The following NVL variants were observed in gnomAD, a reference collection of about 807,000 sequenced individuals.
The protein encoded by NVL is nuclear valosin-containing protein-like.
NVL carries 84 observed loss-of-function variants against 110.2 expected under a neutral mutation model. The observed-to-expected ratio is 0.76, with a 90% CI of 0.64 to 0.91. The LOEUF (loss-of-function observed/expected upper bound fraction) is 0.91, where lower values mean the gene tolerates loss of function less well. Ranked by LOEUF, NVL falls within the 40% of genes least tolerant of loss-of-function variation. The pLI is 0.00. For missense variants in NVL, 882 were observed against 1,035.9 expected, an observed-to-expected ratio of 0.85 and a Z score of 2.04; for synonymous variants, 354 against 361.1, an observed-to-expected ratio of 0.98 and a Z score of 0.22.
At chr1:224,278,766 T>G (rs1477813839) in intron 16 of NVL, among the ~76,000 whole-genome samples, 1 of 152,012 alleles carries the variant, frequency 6.6e-6, no homozygotes, top group African/African-American at 2.4e-5. Context: ...AGGATGTTGC[T>G]CTGTTGCCTA....
At chr1:224,243,683 A>G (rs1295433588) in intron 19 of NVL, among the ~76,000 whole-genome samples, 1 of 132,568 alleles carries the variant, frequency 7.5e-6, no homozygotes, top group Non-Finnish European at 1.6e-5. Context: ...TTTTTTTGAG[A>G]TGAGGTCTCG....
chr1:224,248,569 G>T (rs1016894670), intron 19 of NVL, among the ~76,000 whole-genome samples: 1 of 152,082 alleles, frequency 6.6e-6, no homozygotes, highest in Non-Finnish European at 1.5e-5. Flanking sequence ...ATCTTCCTTT[G>T]TCAGCATCAA....
chr1:224,243,181 C>A (rs928761310), intron 19 of NVL, among the ~76,000 whole-genome samples: 2 of 151,706 alleles, frequency 1.3e-5, no homozygotes, highest in African/African-American at 2.4e-5. Flanking sequence ...AATGAAAGGG[C>A]CGGGTGTAGT....
At chr1:224,265,792 C>G (rs1464279431) in intron 18 of NVL, among the ~76,000 whole-genome samples, 1 of 152,016 alleles carries the variant, frequency 6.6e-6, no homozygotes, top group African/African-American at 2.4e-5. Flanking sequence ...TATGTTTCGC[C>G]ACTCTCACTA....
At chr1:224,290,786 A>G in intron 12 of NVL, among the ~76,000 whole-genome samples, 1 of 142,924 alleles carries the variant, frequency 7.0e-6, no homozygotes. Flanking sequence ...TGGGCAACAG[A>G]GCGAGACTCT....
At chr1:224,286,394 C>T (rs1009328604) in intron 14 of NVL, among the ~76,000 whole-genome samples, 17 of 151,838 alleles carry the variant, frequency 1.1e-4, no homozygotes, top group African/African-American at 2.9e-4. Flanking sequence ...TTAGTAGAGT[C>T]GGGGTTTCAC....
At chr1:224,242,236 C>T (rs984240792) in intron 19 of NVL, among the ~76,000 whole-genome samples, 7 of 151,918 alleles carry the variant, frequency 4.6e-5, no homozygotes, top group Admixed American at 3.3e-4. Flanking sequence ...GTGATGGTTG[C>T]ACAACAATGT....
intron 19 of NVL, among the ~76,000 whole-genome samples, chr1:224,249,000 A>T (rs1308839870): frequency 2.0e-5 from 3 of 152,230 alleles, no homozygotes; most frequent in Non-Finnish European, 4.4e-5. Flanking sequence ...CATCCCCAGA[A>T]GGATTAACAC....
intron 19 of NVL, among the ~76,000 whole-genome samples, chr1:224,244,089 C>T (rs1045463822): frequency 6.6e-6 from 1 of 151,180 alleles, no homozygotes; most frequent in Non-Finnish European, 1.5e-5. Context: ...ATCTGGGGGC[C>T]GGGCGTGGTG....
In NVL at chr1:224,291,382, T is replaced by C. The variant is rs1307739456; in HGVS notation, c.1326-1649A>G. Among the ~76,000 whole-genome samples the C allele has an allele frequency of 3.3e-5, 5 of 152,258 alleles. No individual in the cohort carries two copies. The East Asian group carries it at 9.6e-4, about 29-fold the overall frequency. On this transcript the variant is annotated intron_variant, in intron 12 of 22. Coordinates refer to ENST00000281701, the MANE Select transcript of NVL (RefSeq NM_002533.4). Reference sequence around the variant, plus strand: ...CAATGAATGTTAATTCTTATTTACATATTTTGATATTATAAACTAACTTGG... The same window carrying C: ...CAATGAATGTTAATTCTTATTTACACATTTTGATATTATAAACTAACTTGG...
At chr1:224,302,350 G>C (rs910870955) in intron 9 of NVL, among the ~76,000 whole-genome samples, 1 of 152,034 alleles carries the variant, frequency 6.6e-6, no homozygotes, top group Non-Finnish European at 1.5e-5. Context: ...GCAGGCATGC[G>C]CCACCACACC....
chr1:224,330,105 A>G lies in NVL; in HGVS notation c.23T>C (p.Phe8Ser), dbSNP rs1156675515. Residue 8 changes from phenylalanine to serine, a missense_variant, in exon 1 of 23, where the codon TTC becomes TCC. By Grantham distance (155) the Phe-to-Ser change is radical (BLOSUM62 -2). Around this residue, in one of 4 missense-constraint regions of NVL, gnomAD observed 274 missense variants for 268.4 expected, o/e 1.02. Transcript: ENST00000281701. MKPRPAG[F>S]VDNKLKQRVI... ...TCGCTGCTTGAGTTTATTATCCACG[A>G]ACCCTGCAGGTCTGGGCTTCATCGC... The G allele has an allele frequency of 6.2e-6, 10 of 1,613,940 alleles. No individual in the cohort carries two copies. The highest frequency in any genetic ancestry group is 8.5e-6 in the Non-Finnish European group (10 of 1,179,992).
intron 13 of NVL, 117 bp from the exon 14 acceptor site, chr1:224,288,110 G>A (rs961058959): frequency 1.7e-5 from 12 of 695,090 alleles, no homozygotes; most frequent in Admixed American, 5.8e-5. Flanking sequence ...TATCCTGAAC[G>A]TCTATGTATT....
chr1:224,322,235 C>T (rs949389044), intron 2 of NVL, among the ~76,000 whole-genome samples: 1 of 150,378 alleles, frequency 6.6e-6, no homozygotes, highest in Middle Eastern at 3.5e-3. Flanking sequence ...CAGGTGCATG[C>T]CACGCTAATT....
At chr1:224,287,475 A>C (rs937761871) in intron 14 of NVL, among the ~76,000 whole-genome samples, 1 of 152,252 alleles carries the variant, frequency 6.6e-6, no homozygotes, top group Non-Finnish European at 1.5e-5. Flanking sequence ...AGAGGTGATG[A>C]ATATCCCAAT....
At chr1:224,303,582 G>A in intron 9 of NVL, 141 bp downstream of exon 9, 1 of 698,974 alleles carries the variant, frequency 1.4e-6, no homozygotes, top group East Asian at 3.1e-5. Flanking sequence ...ATACCAGCAT[G>A]ATAACAAAGG....
chr1:224,308,690 CAAAAA>C (rs544159510), intron 5 of NVL, among the ~76,000 whole-genome samples: 2 of 61,922 alleles, frequency 3.2e-5, no homozygotes, highest in African/African-American at 5.5e-5. Context: ...GACTCCATCT[CAAAAA>C]AAAAAAAAAA....
At position 224,322,025 on chromosome 1, in the gene NVL, A is replaced by G. The variant is rs549259445; in HGVS notation, c.132-4095T>C. Among the ~76,000 whole-genome samples, 4 of 152,288 alleles carry G rather than the reference A, an allele frequency of 2.6e-5. No homozygotes were observed. The South Asian group carries it at 8.3e-4, about 32-fold the overall frequency. ...AGAAAAAAGGTTACCAACAAAACAC[A>G]ACTCACAGATTTCAATGGAGTGAGT... On this transcript the variant is annotated intron_variant, in intron 2 of 22. Coordinates refer to ENST00000281701, the MANE Select transcript of NVL (RefSeq NM_002533.4).
At chr1:224,228,457 A>G (rs1360865754) in intron 22 of NVL, among the ~76,000 whole-genome samples, 1 of 151,766 alleles carries the variant, frequency 6.6e-6, no homozygotes, top group Non-Finnish European at 1.5e-5. Context: ...GGTGCGCACC[A>G]CTACGCCCGG....
Sources: allele counts gnomAD v4.1 joint callset (sites outside exome capture counted in the v4.1 genomes callset), GRCh38; gene constraint gnomAD v4.1.1; regional missense constraint gnomAD v4.1.1; transcripts MANE v1.5; gene names NCBI Gene and HGNC (gene_info 2026-07-23, HGNC 2026-07-21).